The following CHL1 variants were observed in gnomAD, a reference collection of about 807,000 sequenced individuals.
CHL1 encodes neural cell adhesion molecule L1-like protein.
In CHL1, 96 loss-of-function variants were observed where a neutral mutation model predicts 141.9. The observed-to-expected ratio is 0.68, with a 90% CI of 0.57 to 0.80. CHL1 has a LOEUF of 0.80. Ranked by LOEUF, CHL1 falls within the 30% of genes least tolerant of loss-of-function variation. The pLI is 0.00. For synonymous variants in CHL1, 613 were observed against 502.2 expected (o/e 1.22, Z -2.95); for missense variants, 1,820 against 1,457.2 (o/e 1.25, Z -4.05).
intron 3 of CHL1, among the ~76,000 whole-genome samples, chr3:324,535 A>T (rs1700846116): frequency 6.6e-6 from 1 of 152,000 alleles, no homozygotes; most frequent in Non-Finnish European, 1.5e-5. Flanking sequence ...TAGTAAATTT[A>T]TTTTATAGTT....
intron 2 of CHL1, among the ~76,000 whole-genome samples, chr3:268,009 C>T (rs1695303687): frequency 1.3e-5 from 2 of 152,120 alleles, no homozygotes; most frequent in Non-Finnish European, 2.9e-5. Context: ...GGTTTCATTT[C>T]ACAGCTGCTA....
At chr3:330,343 G>C (rs1435808244) in intron 5 of CHL1, among the ~76,000 whole-genome samples, 3 of 152,064 alleles carry the variant, frequency 2.0e-5, no homozygotes, top group Non-Finnish European at 1.5e-5. Context: ...GCATTATTTA[G>C]AGGGATCTTT....
At position 325,455 on chromosome 3, in the gene CHL1, GAA is replaced by G. The variant is rs71619451; in HGVS notation, c.92-497_92-496del. ...CCTATTGAAATAGTTTACCTGGAAA[GAA>G]AAAAAATGGATAATAATCTAATGAC... On this transcript the variant is annotated intron_variant, in intron 3 of 27. Transcript: ENST00000256509. Among the ~76,000 whole-genome samples, 511 of 151,306 alleles carry G rather than the reference GAA, an allele frequency of 3.4e-3. 3 individuals carry two copies. The highest frequency in any genetic ancestry group is 0.012 in the African/African-American group (482 of 41,362).
At chr3:290,654 C>A (rs575995804) in intron 2 of CHL1, among the ~76,000 whole-genome samples, 2 of 152,292 alleles carry the variant, frequency 1.3e-5, no homozygotes, top group East Asian at 3.9e-4. Context: ...GTACAGTAGG[C>A]ATTCAGTTAA....
intron 2 of CHL1, among the ~76,000 whole-genome samples, chr3:305,147 T>G (rs574552629): frequency 1.3e-5 from 2 of 152,170 alleles, no homozygotes; most frequent in Non-Finnish European, 2.9e-5. Flanking sequence ...AATGACAGTT[T>G]GATTTCTTTC....
intron 11 of CHL1, among the ~76,000 whole-genome samples, chr3:356,647 G>T (rs1253957954): frequency 2.3e-4 from 35 of 152,150 alleles, no homozygotes; most frequent in Admixed American, 2.3e-3. Context: ...ATTTACCTTT[G>T]AGTGGAGATG....
chr3:390,850 G>A (rs1261619862), intron 21 of CHL1, 34 bp downstream of exon 21: 1 of 1,505,344 alleles, frequency 6.6e-7, no homozygotes, highest in East Asian at 2.3e-5. Flanking sequence ...TCTTCTTGTT[G>A]AATTGGTATC....
At chr3:316,058 G>T (rs999556610) in intron 2 of CHL1, among the ~76,000 whole-genome samples, 1 of 151,950 alleles carries the variant, frequency 6.6e-6, no homozygotes, top group African/African-American at 2.4e-5. Context: ...TGCAGAAAAG[G>T]CTTGCCACCC....
At chr3:197,680 C>A in intron 1 of CHL1, 1 of 404,100 alleles carries the variant, frequency 2.5e-6, no homozygotes, top group Non-Finnish European at 4.9e-6. Context: ...ATCCATGGAC[C>A]GTGGGGTTGT....
intron 5 of CHL1, among the ~76,000 whole-genome samples, chr3:331,697 T>A (rs1484782308): frequency 6.6e-6 from 1 of 152,148 alleles, no homozygotes; most frequent in Non-Finnish European, 1.5e-5. Context: ...TTATTGATAA[T>A]GCATATAACT....
intron 4 of CHL1, 69 bp downstream of exon 4, chr3:326,133 C>T: frequency 2.3e-6 from 2 of 869,520 alleles, no homozygotes; most frequent in East Asian, 2.7e-5. Flanking sequence ...TTTACTCTTA[C>T]CATCACAAGC....
chr3:404,201 G>C (rs1045842615), intron 27 of CHL1, among the ~76,000 whole-genome samples: 1 of 152,124 alleles, frequency 6.6e-6, no homozygotes, highest in African/African-American at 2.4e-5. Context: ...GCTCGGAAGA[G>C]ACACATGTCA....
chr3:337,188 TTTG>T (rs555707027), intron 5 of CHL1, among the ~76,000 whole-genome samples: 5,654 of 74,246 alleles, frequency 0.076, 500 homozygotes, highest in African/African-American at 0.23. Flanking sequence ...TTCTTTTGTT[TTTG>T]TTTTTTTTTT....
chr3:290,657 TCAGTTAATGCTTGTTGAAAGAATG>T (rs1697602820), intron 2 of CHL1, among the ~76,000 whole-genome samples: 2 of 152,324 alleles, frequency 1.3e-5, no homozygotes, highest in East Asian at 3.9e-4. Flanking sequence ...CAGTAGGCAT[TCAGTTAATGCTTGTTGAAAGAATG>T]CATAAACCCC....
intron 1 of CHL1, among the ~76,000 whole-genome samples, chr3:219,737 C>G (rs1700657866): frequency 6.6e-6 from 1 of 152,158 alleles, no homozygotes; most frequent in African/African-American, 2.4e-5. Flanking sequence ...GAAAAATTAA[C>G]TAATGGGAAC....
chr3:319,110 A>G (rs1259853959), intron 2 of CHL1, among the ~76,000 whole-genome samples: 1 of 151,876 alleles, frequency 6.6e-6, no homozygotes, highest in African/African-American at 2.4e-5. Flanking sequence ...CCAACACTGA[A>G]TACACACGGA....
At chr3:366,227 T>A in intron 15 of CHL1, 112 bp downstream of exon 15, 1 of 1,008,316 alleles carries the variant, frequency 9.9e-7, no homozygotes, top group Non-Finnish European at 1.5e-6. Context: ...TCCCAGCACT[T>A]TGGGAGACCG....
rs162734 is a variant in CHL1 at position 326,074 on chromosome 3, G to T, written c.197+10G>T. The T allele has an allele frequency of 1.3e-6, 2 of 1,557,148 alleles. No individual in the cohort carries two copies. The highest frequency in any genetic ancestry group is 1.7e-5 in the Admixed American group (1 of 59,180). On this transcript the variant is annotated intron_variant, in intron 4 of 27. Transcript: ENST00000256509. The stretch of plus-strand genomic sequence containing the variant: ...GAAATCCAGAACCAACGTGAGTATT[G>T]TTTCAAACGAAGTGGTTCTTTAAAT...
At chr3:344,376 G>A (rs961222081) in intron 8 of CHL1, among the ~76,000 whole-genome samples, 4 of 151,734 alleles carry the variant, frequency 2.6e-5, no homozygotes, top group Non-Finnish European at 4.4e-5. Context: ...GCAGTGCTAC[G>A]CTCAGTAAAA....
Sources: allele counts gnomAD v4.1 joint callset (sites outside exome capture counted in the v4.1 genomes callset), GRCh38; gene constraint gnomAD v4.1.1; transcripts MANE v1.5; gene names NCBI Gene and HGNC (gene_info 2026-07-23, HGNC 2026-07-21).